Variants in PIK3R5 observed in about 807,000 individuals in gnomAD.
PIK3R5 encodes the protein phosphoinositide-3-kinase regulatory subunit 5.
PIK3R5 carries 32 observed loss-of-function variants against 94.9 expected under a neutral mutation model. The ratio of observed to expected loss-of-function variants is 0.34; its 90% CI spans 0.25 to 0.45. The LOEUF (loss-of-function observed/expected upper bound fraction) is 0.45. PIK3R5 is among the 20% of genes least tolerant of loss of function. The pLI, the probability that PIK3R5 is intolerant of heterozygous loss-of-function variation, is 1.00. For missense variants in PIK3R5, 853 were observed against 1,144.6 expected, an observed-to-expected ratio of 0.75 and a Z score of 3.68; for synonymous variants, 443 against 479.4, an observed-to-expected ratio of 0.92 and a Z score of 0.99.
At chr17:8,905,977 T>C (rs978214918) in intron 3 of PIK3R5, among the ~76,000 whole-genome samples, 1 of 152,132 alleles carries the variant, frequency 6.6e-6, no homozygotes, top group South Asian at 2.1e-4. Context: ...TTTTGCCCTA[T>C]GTATTTTCTT....
chr17:8,934,869 G>A (rs1460639055), intron 1 of PIK3R5, among the ~76,000 whole-genome samples: 1 of 152,032 alleles, frequency 6.6e-6, no homozygotes, highest in Non-Finnish European at 1.5e-5. Flanking sequence ...TCATTGCCTT[G>A]AGTCAAAACT....
rs2089603058 is a variant in PIK3R5 at position 8,879,478 on chromosome 17, A to C, written c.*1161T>G. On this transcript the variant is annotated 3_prime_UTR_variant, in exon 19 of 19. Coordinates refer to ENST00000447110, the MANE Select transcript of PIK3R5 (RefSeq NM_001142633.3). The surrounding 1 kb of genome is among the most constrained non-coding windows in gnomAD (Gnocchi z 4.4). ...TTCTGGGATCTTGCCCAGGTGCCAG[A>C]AGAGTGCCAGTGAACTTGCGGATAT... 1 of 152,192 alleles carries C rather than the reference A, an allele frequency of 6.6e-6. No homozygotes were observed. Among genetic ancestry groups the C allele is most frequent in the African/African-American group, 2.4e-5 (1 of 41,426 alleles). The allele number at this position is 152,192 out of a possible 1,614,324, so 9.4% of individuals were successfully genotyped here. A position where few individuals can be genotyped will look rare whatever the true frequency, so the allele number is the denominator to read the frequency against.
intron 1 of PIK3R5, among the ~76,000 whole-genome samples, chr17:8,957,608 G>C (rs758464899): frequency 1.7e-4 from 26 of 152,364 alleles, no homozygotes; most frequent in Admixed American, 2.6e-4. Context: ...ACTCAAGGTG[G>C]ATATGCCCAG....
chr17:8,941,107 T>G (rs956789713), intron 1 of PIK3R5, among the ~76,000 whole-genome samples: 5 of 152,186 alleles, frequency 3.3e-5, no homozygotes, highest in Non-Finnish European at 7.3e-5. Context: ...TGGGAGCCAC[T>G]CCAGCTGTCC....
Position 8,888,634 on chromosome 17 carries a change from CAG to C in PIK3R5, c.1151_1152del (p.Ser384Ter). The C allele has an allele frequency of 1.2e-6, 2 of 1,613,406 alleles. No individual in the cohort carries two copies. Among genetic ancestry groups the C allele is most frequent in the Non-Finnish European group, 1.7e-6 (2 of 1,179,710 alleles). ...TCCACGTAGCCGCTGTCCATGCCAT[CAG>C]AGAGGCCTGAGACAAAGGAAGTCAG... is the stretch of plus-strand genomic sequence containing the variant. ...HLLTSFVSGL[S>X]DGMDSGYVED... On this transcript the variant is annotated frameshift_variant, in exon 10 of 19. Transcript: ENST00000447110. LOFTEE classifies it high-confidence loss of function. This position sits in a 1 kb window ranked among gnomAD's most constrained non-coding sequence, Gnocchi z 7.8.
rs976372475 is a variant in PIK3R5 at position 8,886,116 on chromosome 17, G to A, written c.2128+113C>T. On this transcript the variant is annotated intron_variant, in intron 14 of 18. Coordinates refer to ENST00000447110, the MANE Select transcript of PIK3R5 (RefSeq NM_001142633.3). ...GTCTCCCCAGGGGCCTACCTCCTGTGCAACCCCACCTTCCCATGGCCCCAC... is the reference window on the plus strand; with the variant it reads ...GTCTCCCCAGGGGCCTACCTCCTGTACAACCCCACCTTCCCATGGCCCCAC... The A allele has an allele frequency of 5.0e-6, 4 of 796,248 alleles. No homozygotes were observed. The East Asian group carries it at 1.1e-4, about 21-fold the overall frequency. 49.3% of individuals were successfully genotyped at this position (796,248 alleles called of 1,614,324 possible). A position where few individuals can be genotyped will look rare whatever the true frequency, so the allele number is the denominator to read the frequency against.
chr17:8,884,481 G>T lies in PIK3R5; in HGVS notation c.2205+226C>A, dbSNP rs1292766121. Reference sequence around the variant, plus strand: ...GGGCTGCTGCTGAGCGCATTCGGGTGGGGGCAGAGAACATGGTGGGAGAGA... The same window carrying T: ...GGGCTGCTGCTGAGCGCATTCGGGTTGGGGCAGAGAACATGGTGGGAGAGA... On this transcript the variant is annotated intron_variant, in intron 15 of 18. Transcript: ENST00000447110. This position sits in a 1 kb window ranked among gnomAD's most constrained non-coding sequence, Gnocchi z 5.8. 6.6e-6 allele frequency among the ~76,000 whole-genome samples: 1 copy of T among 152,176 alleles called. No individual in the cohort carries two copies. Among genetic ancestry groups the T allele is most frequent in the Non-Finnish European group, 1.5e-5 (1 of 68,024 alleles).
chr17:8,919,698 C>T (rs1363885175), intron 1 of PIK3R5, among the ~76,000 whole-genome samples: 3 of 152,108 alleles, frequency 2.0e-5, no homozygotes, highest in East Asian at 1.9e-4. Context: ...CAGGGCACAC[C>T]ATGTGTGTGC....
intron 18 of PIK3R5, 22 bp downstream of exon 18, chr17:8,880,883 C>T: frequency 6.2e-7 from 1 of 1,613,064 alleles, no homozygotes. Flanking sequence ...CTGCTCCCCT[C>T]CCTAGGACCC....
At chr17:8,919,025 C>CTCA (rs2090680835) in intron 1 of PIK3R5, among the ~76,000 whole-genome samples, 1 of 152,048 alleles carries the variant, frequency 6.6e-6, no homozygotes, top group Admixed American at 6.5e-5. Flanking sequence ...ATGGTGAGTC[C>CTCA]TCACCAAAGT....
intron 1 of PIK3R5, among the ~76,000 whole-genome samples, chr17:8,930,025 T>G (rs143185901): frequency 3.3e-5 from 5 of 152,328 alleles, no homozygotes; most frequent in African/African-American, 9.6e-5. Context: ...CAACCACTGA[T>G]AGAACAACTG....
rs879920750 is a variant in PIK3R5, at chr17:8,935,437, G to A, written c.-13-23930C>T. On this transcript the variant is annotated intron_variant, in intron 1 of 18. Transcript: ENST00000447110. This position sits in a 1 kb window ranked among gnomAD's most constrained non-coding sequence, Gnocchi z 4.5. ...AGTCTTCAGAGGTGTTGAACGAGTC[G>A]TTTTTGGCCACCCACAGTGTGGGCA... Among the ~76,000 whole-genome samples, 17 of 152,220 alleles carry A rather than the reference G, an allele frequency of 1.1e-4. No homozygotes were observed. The highest frequency in any genetic ancestry group is 2.9e-4 in the African/African-American group (12 of 41,550).
At position 8,945,621 on chromosome 17, in the gene PIK3R5, C is replaced by T. The variant is rs747995465; in HGVS notation, c.-14+19975G>A. Among the ~76,000 whole-genome samples the T allele has an allele frequency of 2.4e-4, 36 of 152,152 alleles. No homozygotes were observed. The highest frequency in any genetic ancestry group is 4.6e-4 in the Admixed American group (7 of 15,270). On this transcript the variant is annotated intron_variant, in intron 1 of 18. Coordinates refer to ENST00000447110, the MANE Select transcript of PIK3R5 (RefSeq NM_001142633.3). The surrounding 1 kb of genome is among the most constrained non-coding windows in gnomAD (Gnocchi z 4.0). ...CCAGAAACAACACAAAATGAGAACT[C>T]CTCCCCAGAAAAATAGAAAGTACTT... is the stretch of plus-strand genomic sequence containing the variant.
chr17:8,959,419 CTG>C (rs34656716), intron 1 of PIK3R5, among the ~76,000 whole-genome samples: 108,360 of 150,796 alleles, frequency 0.72, 41,021 homozygotes, highest in Non-Finnish European at 0.85. Flanking sequence ...GCGAGAGAGA[CTG>C]TGTGTGTGTG....
intron 1 of PIK3R5, among the ~76,000 whole-genome samples, chr17:8,915,023 G>A (rs138058778): frequency 3.4e-3 from 523 of 152,350 alleles, no homozygotes; most frequent in African/African-American, 0.012. Flanking sequence ...AAACCCAGGG[G>A]GTCTGGGGTT....
intron 1 of PIK3R5, among the ~76,000 whole-genome samples, chr17:8,947,801 T>C (rs2068818502): frequency 2.0e-5 from 3 of 151,916 alleles, no homozygotes; most frequent in African/African-American, 4.8e-5. Context: ...CCCAGCACTT[T>C]GGGAGGCCGA....
chr17:8,902,249 ATTTT>A (rs397960477), intron 5 of PIK3R5, among the ~76,000 whole-genome samples: 7 of 77,192 alleles, frequency 9.1e-5, no homozygotes, highest in Non-Finnish European at 1.1e-4. Flanking sequence ...TGATATATTA[ATTTT>A]TTTTTTTTTT....
chr17:8,891,033 C>A (rs1195910018), intron 6 of PIK3R5, 121 bp from the exon 7 acceptor site: 6 of 955,064 alleles, frequency 6.3e-6, no homozygotes, highest in Non-Finnish European at 9.3e-6. Flanking sequence ...CAAGCCCAGG[C>A]AGAGCTCGAG....
rs1451632374 is a variant in PIK3R5, at chr17:8,888,794, C to T, written c.993G>A (p.Glu331=). ...EEEEEEEEEV[E]EDLETDGHCA... is the part of the protein sequence containing the mutation. The stretch of plus-strand genomic sequence containing the variant: ...AGTGCCCGTCAGTTTCCAAGTCCTC[C>T]TCCACCTCCTCCTCCTCCTCTTCCT... The change falls in exon 10 of 19, where the codon GAG becomes GAA. Residue 331 remains glutamate, a synonymous_variant. Transcript: ENST00000447110. This position sits in a 1 kb window ranked among gnomAD's most constrained non-coding sequence, Gnocchi z 7.8. 6.2e-7 allele frequency: 1 copy of T among 1,611,928 alleles called. No individual in the cohort carries two copies. The highest frequency in any genetic ancestry group is 8.5e-7 in the Non-Finnish European group (1 of 1,179,936).
Sources: gnomAD v4.1 joint callset for allele counts (sites outside exome capture counted in the v4.1 genomes callset) on GRCh38, gnomAD v4.1.1 for gene constraint, Gnocchi (gnomAD v3.1) non-coding constraint, MANE v1.5 for transcripts, NCBI Gene and HGNC (gene_info 2026-07-23, HGNC 2026-07-21) for gene names.